The following TRAPPC9 variants were observed in gnomAD, a reference collection of about 807,000 sequenced individuals.
TRAPPC9 encodes trafficking protein particle complex subunit 9.
Under a neutral mutation model 124.0 loss-of-function variants are expected in TRAPPC9, and 83 were observed. The ratio of observed to expected loss-of-function variants is 0.67; its 90% CI spans 0.56 to 0.80. The LOEUF (loss-of-function observed/expected upper bound fraction) is 0.80. Ranked by LOEUF, TRAPPC9 falls within the 30% of genes least tolerant of loss-of-function variation. The probability of loss-of-function intolerance (pLI) is 0.00; values close to 1 mark genes in which losing one functional copy is unlikely to be tolerated. For synonymous variants in TRAPPC9, 638 were observed against 617.5 expected (o/e 1.03, Z -0.49); for missense variants, 1,302 against 1,508.3 (o/e 0.86, Z 2.27).
At chr8:140,277,887 T>C (rs1381315336) in intron 14 of TRAPPC9, among the ~76,000 whole-genome samples, 2 of 152,202 alleles carry the variant, frequency 1.3e-5, no homozygotes, top group African/African-American at 4.8e-5. Flanking sequence ...GTAAGGTCTA[T>C]GGCGATGAGA....
chr8:140,457,440 G>A (rs2132752579), intron 1 of TRAPPC9, among the ~76,000 whole-genome samples, 199 bp downstream of exon 1: 1 of 152,330 alleles, frequency 6.6e-6, no homozygotes, highest in South Asian at 2.1e-4. Context: ...AGCGCCAACA[G>A]GAGCAAGGGC....
chr8:139,903,671 C>T (rs564831829), intron 20 of TRAPPC9, among the ~76,000 whole-genome samples: 2 of 152,268 alleles, frequency 1.3e-5, no homozygotes, highest in South Asian at 2.1e-4. Context: ...ACACTCATCA[C>T]GGCACTCGGC....
intron 17 of TRAPPC9, chr8:140,096,348 G>A (rs1048873768): frequency 7.2e-5 from 11 of 152,230 alleles, no homozygotes; most frequent in African/African-American, 2.7e-4. Flanking sequence ...CCACTGCAGA[G>A]AAATGATATA....
At chr8:140,022,380 G>C in intron 18 of TRAPPC9, among the ~76,000 whole-genome samples, 1 of 152,292 alleles carries the variant, frequency 6.6e-6, no homozygotes, top group South Asian at 2.1e-4. Context: ...AAGGGAGCAA[G>C]GGCCACAGGC....
chr8:139,814,875 T>C (rs1824720852), intron 21 of TRAPPC9, among the ~76,000 whole-genome samples: 1 of 152,206 alleles, frequency 6.6e-6, no homozygotes, highest in South Asian at 2.1e-4. Context: ...CCCAACGTGC[T>C]TGCAGAGCAG....
At chr8:140,195,479 G>A (rs2062628598) in intron 17 of TRAPPC9, among the ~76,000 whole-genome samples, 1 of 146,548 alleles carries the variant, frequency 6.8e-6, no homozygotes. Flanking sequence ...CTAAAACAAT[G>A]ATCCACCATA....
Position 139,836,081 on chromosome 8 carries a change from G to A in TRAPPC9, c.3055+49798C>T, listed in dbSNP as rs182051527. On this transcript the variant is annotated intron_variant, in intron 21 of 22. Coordinates refer to ENST00000438773, the MANE Select transcript of TRAPPC9 (RefSeq NM_001160372.4). Reference sequence around the variant, plus strand: ...TGGAGCGCAGTGGTACCATTTCAGCGCAGCGCAGCCTCCACTTCCCAGGTT... The same window carrying A: ...TGGAGCGCAGTGGTACCATTTCAGCACAGCGCAGCCTCCACTTCCCAGGTT... Among the ~76,000 whole-genome samples the A allele has an allele frequency of 1.4e-3, 220 of 152,024 alleles. 1 individual carries two copies. The highest frequency in any genetic ancestry group is 2.5e-3 in the Non-Finnish European group (170 of 67,992).
intron 13 of TRAPPC9, among the ~76,000 whole-genome samples, chr8:140,284,253 T>A (rs960280942): frequency 2.0e-5 from 3 of 152,326 alleles, no homozygotes; most frequent in African/African-American, 7.2e-5. Flanking sequence ...CAAGGCTGGC[T>A]GGGCCCAAAT....
Position 139,911,637 on chromosome 8 carries a change from G to A in TRAPPC9, c.2811-1337C>T, listed in dbSNP as rs377203733. On this transcript the variant is annotated intron_variant, in intron 19 of 22. Coordinates refer to ENST00000438773, the MANE Select transcript of TRAPPC9 (RefSeq NM_001160372.4). ...GGAGAATTGCCTGAACCAAGGAGGC[G>A]GAAGTTGCAGTGAGCCGAGATTGTG... 1.3e-4 allele frequency among the ~76,000 whole-genome samples: 20 copies of A among 152,094 alleles called. No homozygotes were observed. In the South Asian group the frequency reaches 2.3e-3, roughly 17 times the overall value.
At chr8:140,368,527 G>A (rs908545622) in intron 8 of TRAPPC9, among the ~76,000 whole-genome samples, 1 of 152,102 alleles carries the variant, frequency 6.6e-6, no homozygotes, top group Admixed American at 6.5e-5. Context: ...TGGGACTTGG[G>A]GGATTTTCAA....
intron 10 of TRAPPC9, among the ~76,000 whole-genome samples, chr8:140,306,287 G>A (rs1243935829): frequency 6.6e-6 from 1 of 151,934 alleles, no homozygotes; most frequent in African/African-American, 2.4e-5. Context: ...TGAGGTCAAG[G>A]GTTTGAGACC....
chr8:139,927,393 C>T (rs1237413723), intron 19 of TRAPPC9, among the ~76,000 whole-genome samples: 1 of 152,100 alleles, frequency 6.6e-6, no homozygotes, highest in Non-Finnish European at 1.5e-5. Context: ...TACAAGTGTG[C>T]ACCACCACAC....
chr8:140,242,892 G>A (rs1484007503), intron 16 of TRAPPC9, among the ~76,000 whole-genome samples: 1 of 152,196 alleles, frequency 6.6e-6, no homozygotes, highest in African/African-American at 2.4e-5. Flanking sequence ...CCACGGAGGG[G>A]GAGGGAGGTT....
At chr8:140,007,835 C>T (rs1037609888) in intron 18 of TRAPPC9, among the ~76,000 whole-genome samples, 5 of 152,014 alleles carry the variant, frequency 3.3e-5, no homozygotes, top group Admixed American at 2.0e-4. Context: ...ATATAGATCA[C>T]GTAAAATTCT....
At chr8:139,847,926 C>T (rs995125651) in intron 21 of TRAPPC9, among the ~76,000 whole-genome samples, 1 of 152,250 alleles carries the variant, frequency 6.6e-6, no homozygotes, top group African/African-American at 2.4e-5. Flanking sequence ...AGCCTCCGCT[C>T]CCTGCCGCCT....
At chr8:140,020,412 G>A (rs1184992973) in intron 18 of TRAPPC9, among the ~76,000 whole-genome samples, 1 of 152,136 alleles carries the variant, frequency 6.6e-6, no homozygotes, top group African/African-American at 2.4e-5. Flanking sequence ...GATTGCTTGA[G>A]GCCAGGGGTT....
rs975412021 is a variant in TRAPPC9 at position 139,762,397 on chromosome 8, A to AAT, written c.3056-30196_3056-30195insAT. 5.2e-4 allele frequency among the ~76,000 whole-genome samples: 79 copies of AAT among 152,256 alleles called. 1 individual carries two copies. Among genetic ancestry groups the AAT allele is most frequent in the African/African-American group, 1.8e-3 (75 of 41,552 alleles). ...GTTCTGAGAAATGCGTCATTAGGCG[A>AAT]TTTGTCCTAGTGTGAACATCACAGA... On this transcript the variant is annotated intron_variant, in intron 21 of 22. Coordinates refer to ENST00000438773, the MANE Select transcript of TRAPPC9 (RefSeq NM_001160372.4).
intron 21 of TRAPPC9, among the ~76,000 whole-genome samples, chr8:139,735,539 A>G (rs1359006758): frequency 6.6e-6 from 1 of 152,226 alleles, no homozygotes; most frequent in Middle Eastern, 3.2e-3. Flanking sequence ...AGCCTCTTGA[A>G]TAAAAGGTGG....
chr8:139,877,653 G>A lies in TRAPPC9; in HGVS notation c.3055+8226C>T, dbSNP rs74940068. 2.3e-3 allele frequency among the ~76,000 whole-genome samples: 343 copies of A among 152,206 alleles called. 4 individuals are homozygous for A. The highest frequency in any genetic ancestry group is 7.8e-3 in the African/African-American group (324 of 41,522). On this transcript the variant is annotated intron_variant, in intron 21 of 22. Transcript: ENST00000438773. ...AGATTCTGGTGGTCCCCCACTGCCC[G>A]TAGTCTGGCATCAGCACCCACAGCA...
Sources: gnomAD v4.1 joint callset for allele counts (sites outside exome capture counted in the v4.1 genomes callset) on GRCh38, gnomAD v4.1.1 for gene constraint, MANE v1.5 for transcripts, NCBI Gene and HGNC (gene_info 2026-07-23, HGNC 2026-07-21) for gene names.